Variants in RAB3B observed in about 807,000 individuals in gnomAD.
RAB3B encodes the protein RAB3B, member RAS oncogene family.
Under a neutral mutation model 20.5 loss-of-function variants are expected in RAB3B, and 11 were observed. The ratio of observed to expected loss-of-function variants is 0.54; its 90% CI spans 0.34 to 0.89. The LOEUF is 0.89. RAB3B is among the 40% of genes least tolerant of loss of function. The pLI, the probability that RAB3B is intolerant of heterozygous loss-of-function variation, is 0.02. For missense variants in RAB3B, 225 were observed against 280.9 expected (o/e 0.80, Z 1.42); for synonymous variants, 99 against 106.3 (o/e 0.93, Z 0.42).
chr1:51,942,975 C>A (rs1452111725), intron 2 of RAB3B, among the ~76,000 whole-genome samples: 1 of 152,108 alleles, frequency 6.6e-6, no homozygotes, highest in Admixed American at 6.5e-5. Flanking sequence ...AGGCAGTGAA[C>A]TTAATGTTGT....
intron 4 of RAB3B, among the ~76,000 whole-genome samples, chr1:51,931,559 A>G (rs960764577): frequency 1.3e-5 from 2 of 152,048 alleles, no homozygotes; most frequent in Non-Finnish European, 2.9e-5. Context: ...ACCAAAACAT[A>G]TTTTTGCATC....
At chr1:51,961,155 C>T (rs573966576) in intron 2 of RAB3B, among the ~76,000 whole-genome samples, 1 of 152,268 alleles carries the variant, frequency 6.6e-6, no homozygotes, top group African/African-American at 2.4e-5. Flanking sequence ...CATGCAGCAG[C>T]TTCTTCAGAG....
At chr1:51,950,328 A>G (rs1389296392) in intron 2 of RAB3B, among the ~76,000 whole-genome samples, 1 of 152,144 alleles carries the variant, frequency 6.6e-6, no homozygotes, top group Non-Finnish European at 1.5e-5. Flanking sequence ...ATCACTGTAC[A>G]CATCACATTT....
chr1:51,972,162 G>C (rs1402246491), intron 2 of RAB3B, among the ~76,000 whole-genome samples: 2 of 152,092 alleles, frequency 1.3e-5, no homozygotes. Flanking sequence ...GCAACCGAGC[G>C]AGACTCTATC....
chr1:51,988,618 A>C (rs562547429), intron 1 of RAB3B, among the ~76,000 whole-genome samples: 10 of 152,296 alleles, frequency 6.6e-5, no homozygotes, highest in African/African-American at 2.4e-4. Context: ...TGATTCTCAC[A>C]ACAATTCTTG....
intron 4 of RAB3B, among the ~76,000 whole-genome samples, chr1:51,929,576 A>G (rs1172291078): frequency 6.6e-6 from 1 of 152,170 alleles, no homozygotes; most frequent in Non-Finnish European, 1.5e-5. Context: ...TCAGCCTCCC[A>G]AAGTGCTGGG....
At chr1:51,985,877 T>C (rs1685144514) in intron 1 of RAB3B, among the ~76,000 whole-genome samples, 1 of 150,346 alleles carries the variant, frequency 6.7e-6, no homozygotes, top group Non-Finnish European at 1.5e-5. Flanking sequence ...ATTGAGGCTC[T>C]GCAAAGACAA....
At chr1:51,946,432 G>A (rs1684566743) in intron 2 of RAB3B, among the ~76,000 whole-genome samples, 1 of 152,188 alleles carries the variant, frequency 6.6e-6, no homozygotes, top group South Asian at 2.1e-4. Flanking sequence ...CAGAGGAGAT[G>A]GGAAGGAGGA....
intron 2 of RAB3B, among the ~76,000 whole-genome samples, chr1:51,961,226 T>C (rs1345540974): frequency 6.6e-6 from 1 of 152,094 alleles, no homozygotes; most frequent in Admixed American, 6.6e-5. Flanking sequence ...TTGCTCAATC[T>C]TGGATGCCCA....
chr1:51,977,673 G>C (rs1359735536), intron 1 of RAB3B, among the ~76,000 whole-genome samples: 1 of 152,126 alleles, frequency 6.6e-6, no homozygotes, highest in Non-Finnish European at 1.5e-5. Flanking sequence ...TCATTCTCTT[G>C]CTTCAAAAAC....
At chr1:51,950,601 A>AAAGG (rs34333156) in intron 2 of RAB3B, among the ~76,000 whole-genome samples, 1 of 150 alleles carries the variant, frequency 6.7e-3, no homozygotes, top group African/African-American at 0.011. Flanking sequence ...TGTCATAGAC[A>AAAGG]AAGGGAGGCC....
rs185128111 is a variant in RAB3B, at chr1:51,987,682, T to C, written c.-1+2870A>G. On this transcript the variant is annotated intron_variant, in intron 1 of 4. Transcript: ENST00000371655. ...AAAACAAGTGTTGTTGGGAAAATTA[T>C]AGGTAATGTGGGTTATACATCTAGA... is the stretch of plus-strand genomic sequence containing the variant. Among the ~76,000 whole-genome samples, 9 of 152,304 alleles carry C rather than the reference T, an allele frequency of 5.9e-5. No individual in the cohort carries two copies. The East Asian group carries it at 1.3e-3, about 23-fold the overall frequency.
At chr1:51,937,502 AT>A (rs370327791) in intron 2 of RAB3B, 90 bp from the exon 3 acceptor site, 65,189 of 662,176 alleles carry the variant, frequency 0.098, 1 homozygote, top group South Asian at 0.15. Context: ...AACCCAAGAC[AT>A]TTTTTTTTTT....
chr1:51,958,724 C>CAA (rs11379171), intron 2 of RAB3B, among the ~76,000 whole-genome samples: 2,079 of 121,710 alleles, frequency 0.017, 28 homozygotes, highest in Non-Finnish European at 0.025. Context: ...AACTCAGTCT[C>CAA]AAAAAAAAAA....
At chr1:51,969,347 C>A (rs1684897158) in intron 2 of RAB3B, among the ~76,000 whole-genome samples, 2 of 152,208 alleles carry the variant, frequency 1.3e-5, no homozygotes, top group Non-Finnish European at 2.9e-5. Context: ...AGGGACCCTC[C>A]TTTCTCTGTC....
At chr1:51,947,394 C>CA (rs11326252) in intron 2 of RAB3B, among the ~76,000 whole-genome samples, 214 of 145,008 alleles carry the variant, frequency 1.5e-3, no homozygotes, top group African/African-American at 5.0e-3. Flanking sequence ...GACCTTGCCT[C>CA]AAAAAAAAAA....
At chr1:51,962,931 C>CA (rs1384252062) in intron 2 of RAB3B, among the ~76,000 whole-genome samples, 3 of 151,998 alleles carry the variant, frequency 2.0e-5, no homozygotes, top group East Asian at 3.9e-4. Flanking sequence ...TTCCCTCCTT[C>CA]AAAAAAACAA....
At chr1:51,950,038 C>T (rs1684617308) in intron 2 of RAB3B, among the ~76,000 whole-genome samples, 1 of 152,184 alleles carries the variant, frequency 6.6e-6, no homozygotes, top group African/African-American at 2.4e-5. Context: ...AGTCATCTCT[C>T]CCAGTGTGGC....
At chr1:51,928,107 T>A (rs1300872491) in intron 4 of RAB3B, among the ~76,000 whole-genome samples, 2 of 149,278 alleles carry the variant, frequency 1.3e-5, no homozygotes, top group Non-Finnish European at 3.0e-5. Flanking sequence ...AACACACAGC[T>A]TTTTTTTTTC....
Sources: allele counts gnomAD v4.1 joint callset (sites outside exome capture counted in the v4.1 genomes callset), GRCh38; gene constraint gnomAD v4.1.1; transcripts MANE v1.5; gene names NCBI Gene and HGNC (gene_info 2026-07-23, HGNC 2026-07-21).